ATP8B4: variants seen among roughly 807,000 people sequenced by gnomAD.
The protein encoded by ATP8B4 is ATPase phospholipid transporting 8B4 (putative), also known as probable phospholipid-transporting ATPase IM.
Under a neutral mutation model 145.6 loss-of-function variants are expected in ATP8B4, and 133 were observed. The ratio of observed to expected loss-of-function variants is 0.91; its 90% CI spans 0.79 to 1.05. The LOEUF is 1.05. ATP8B4 is among the 50% of genes least tolerant of loss of function. ATP8B4 has a pLI of 0.00. For missense variants in ATP8B4, 1,458 were observed against 1,425.2 expected (o/e 1.02, Z -0.37); for synonymous variants, 507 against 492.9 (o/e 1.03, Z -0.38).
chr15:49,960,584 C>T lies in ATP8B4; in HGVS notation c.1287+1393G>A, dbSNP rs192442991. ...CTAAGATTTAAATGTAAAACATTAA[C>T]TCTATAATGATGGTGTGCTTTATAT... On this transcript the variant is annotated intron_variant, in intron 14 of 27. Transcript: ENST00000284509. Among the ~76,000 whole-genome samples the T allele has an allele frequency of 6.4e-3, 979 of 152,216 alleles. 7 individuals carry two copies. Among genetic ancestry groups the T allele is most frequent in the Non-Finnish European group, 9.5e-3 (645 of 68,012 alleles).
intron 6 of ATP8B4, among the ~76,000 whole-genome samples, 199 bp downstream of exon 6, chr15:50,038,569 C>A (rs1480183623): frequency 1.3e-5 from 2 of 151,816 alleles, no homozygotes; most frequent in Non-Finnish European, 2.9e-5. Flanking sequence ...AATCTGAAGT[C>A]AAAGTTGAGT....
intron 1 of ATP8B4, among the ~76,000 whole-genome samples, chr15:50,135,677 C>T (rs977351504): frequency 1.3e-5 from 2 of 152,222 alleles, no homozygotes; most frequent in African/African-American, 4.8e-5. Flanking sequence ...TTGGAGTCTA[C>T]TTTCTGGACA....
At chr15:50,005,622 A>C (rs1465973954) in intron 7 of ATP8B4, among the ~76,000 whole-genome samples, 1 of 152,140 alleles carries the variant, frequency 6.6e-6, no homozygotes, top group Non-Finnish European at 1.5e-5. Flanking sequence ...TCATTGAGGA[A>C]CCCAAGGGCC....
chr15:50,073,246 C>T (rs550443979), intron 3 of ATP8B4, among the ~76,000 whole-genome samples: 1 of 151,702 alleles, frequency 6.6e-6, no homozygotes, highest in Admixed American at 6.6e-5. Flanking sequence ...GCTCCCTAGG[C>T]CCTGACAGGC....
chr15:50,059,476 A>G (rs1303307679), intron 3 of ATP8B4, among the ~76,000 whole-genome samples: 2 of 152,230 alleles, frequency 1.3e-5, no homozygotes, highest in Non-Finnish European at 1.5e-5. Flanking sequence ...GTTAACGTAC[A>G]AAACTGTGAA....
chr15:50,084,512 C>T (rs1358215802), intron 2 of ATP8B4, among the ~76,000 whole-genome samples: 1 of 152,132 alleles, frequency 6.6e-6, no homozygotes. Flanking sequence ...GCCCCTTCGC[C>T]CTACCATCTA....
chr15:49,999,781 A>G (rs560830130), intron 8 of ATP8B4, among the ~76,000 whole-genome samples: 2 of 152,074 alleles, frequency 1.3e-5, no homozygotes, highest in Non-Finnish European at 2.9e-5. Flanking sequence ...AATAGTTAAG[A>G]TACAGAACAC....
At chr15:50,014,386 A>C (rs7182041) in intron 6 of ATP8B4, among the ~76,000 whole-genome samples, 88,171 of 151,990 alleles carry the variant, frequency 0.58, 27,211 homozygotes, top group East Asian at 0.99. Context: ...GCAGGCACTC[A>C]GTAAGTATGC....
At position 49,920,249 on chromosome 15, in the gene ATP8B4, C is replaced by A; in HGVS notation, c.1920G>T (p.Leu640Phe). Residue 640 changes from leucine to phenylalanine, a missense_variant, in exon 18 of 28, where the codon TTG (leucine) becomes TTT (phenylalanine). Coordinates refer to ENST00000284509, the MANE Select transcript of ATP8B4 (RefSeq NM_024837.4). ...AGLYEEIERD[L>F]MLLGATAVED... ...CATCATGCTTCTAAACTCATACCATCAAATCTCTTTCAATTTCTTCATATA... is the reference window on the plus strand; with the variant it reads ...CATCATGCTTCTAAACTCATACCATAAAATCTCTTTCAATTTCTTCATATA... The A allele has an allele frequency of 6.2e-7, 1 of 1,613,804 alleles. No homozygotes were observed. The highest frequency in any genetic ancestry group is 2.2e-5 in the East Asian group (1 of 44,888).
Position 50,052,377 on chromosome 15 carries a change from G to A in ATP8B4, c.88-4913C>T, listed in dbSNP as rs192471031. On this transcript the variant is annotated intron_variant, in intron 3 of 27. Coordinates refer to ENST00000284509, the MANE Select transcript of ATP8B4 (RefSeq NM_024837.4). ...GGCCACGGCATTAGCTTGTTAGTGAGGAGGAATGGTTAACAGATTCCATGA... is the reference window on the plus strand; with the variant it reads ...GGCCACGGCATTAGCTTGTTAGTGAAGAGGAATGGTTAACAGATTCCATGA... Among the ~76,000 whole-genome samples, 61 of 152,364 alleles carry A rather than the reference G, an allele frequency of 4.0e-4. No homozygotes were observed. The Middle Eastern group carries it at 0.014, about 34-fold the overall frequency.
chr15:50,085,032 A>ATC (rs2054806732), intron 2 of ATP8B4, among the ~76,000 whole-genome samples: 1 of 150,980 alleles, frequency 6.6e-6, no homozygotes. Context: ...CGCAAGTCTT[A>ATC]TCTCTCTCTC....
intron 14 of ATP8B4, among the ~76,000 whole-genome samples, chr15:49,938,990 C>A (rs1003234709): frequency 6.6e-6 from 1 of 152,038 alleles, no homozygotes; most frequent in Non-Finnish European, 1.5e-5. Context: ...AAATTAAACA[C>A]TCCTGAATGA....
At chr15:49,990,672 G>A (rs1836668397) in intron 9 of ATP8B4, among the ~76,000 whole-genome samples, 2 of 152,088 alleles carry the variant, frequency 1.3e-5, no homozygotes. Flanking sequence ...TTACCTCAAA[G>A]TGAAAGTCTG....
At chr15:49,945,022 C>A (rs1221536196) in intron 14 of ATP8B4, among the ~76,000 whole-genome samples, 2 of 152,054 alleles carry the variant, frequency 1.3e-5, no homozygotes, top group African/African-American at 4.8e-5. Context: ...ATACAACATG[C>A]CAAACCTCAT....
chr15:49,897,631 C>G, intron 22 of ATP8B4, 116 bp from the exon 23 acceptor site: 2 of 845,810 alleles, frequency 2.4e-6, no homozygotes, highest in Non-Finnish European at 3.4e-6. Context: ...TATAATTTTT[C>G]ACATATATTA....
chr15:50,002,044 C>T, intron 8 of ATP8B4, 109 bp downstream of exon 8: 1 of 865,808 alleles, frequency 1.2e-6, no homozygotes, highest in African/African-American at 1.7e-5. Flanking sequence ...GCAATGTAAA[C>T]TCCTATGTCT....
chr15:49,868,487 G>A (rs375534606), intron 25 of ATP8B4, among the ~76,000 whole-genome samples: 2 of 152,242 alleles, frequency 1.3e-5, no homozygotes, highest in South Asian at 2.1e-4. Flanking sequence ...AATAACAGAA[G>A]ACAGGTCATA....
chr15:50,042,410 A>C (rs917051853), intron 5 of ATP8B4, among the ~76,000 whole-genome samples: 1 of 152,154 alleles, frequency 6.6e-6, no homozygotes, highest in African/African-American at 2.4e-5. Context: ...GATAAGTACA[A>C]ATCTTCCCAT....
At chr15:50,178,647 G>A (rs1483955873) in intron 1 of ATP8B4, among the ~76,000 whole-genome samples, 1 of 152,084 alleles carries the variant, frequency 6.6e-6, no homozygotes, top group Non-Finnish European at 1.5e-5. Context: ...ACAGGTGCAT[G>A]CCCCCACACT....
Sources: gnomAD v4.1 joint callset for allele counts (sites outside exome capture counted in the v4.1 genomes callset) on GRCh38, gnomAD v4.1.1 for gene constraint, MANE v1.5 for transcripts, NCBI Gene and HGNC (gene_info 2026-07-23, HGNC 2026-07-21) for gene names.